ARHGAP11B: variants seen among roughly 807,000 people sequenced by gnomAD.
ARHGAP11B encodes the protein Rho GTPase activating protein 11B.
ARHGAP11B carries 14 observed loss-of-function variants against 27.6 expected under a neutral mutation model. That is an observed-to-expected ratio of 0.51 (90% CI 0.34 to 0.79). The LOEUF (loss-of-function observed/expected upper bound fraction) is 0.79. ARHGAP11B is among the 30% of genes least tolerant of loss of function. ARHGAP11B has a pLI of 0.02. For missense variants in ARHGAP11B, 245 were observed against 320.1 expected (o/e 0.77, Z 1.79); for synonymous variants, 82 against 114.1 (o/e 0.72, Z 1.80).
At chr15:30,627,325 G>A (rs1046029469) in intron 1 of ARHGAP11B, among the ~76,000 whole-genome samples, 2 of 151,942 alleles carry the variant, frequency 1.3e-5, no homozygotes, top group South Asian at 2.1e-4. Context: ...AAATGTCTCC[G>A]GATATTGCCA....
chr15:30,630,473 G>C lies in ARHGAP11B; in HGVS notation c.130-230G>C, dbSNP rs927032435. Among the ~76,000 whole-genome samples, 6 of 151,752 alleles carry C rather than the reference G, an allele frequency of 4.0e-5. No homozygotes were observed. The East Asian group carries it at 1.2e-3, about 29-fold the overall frequency. On this transcript the variant is annotated intron_variant, in intron 1 of 10. Coordinates refer to ENST00000428041, the Ensembl canonical transcript of ARHGAP11B. ...TTGAGTTTACTAGATTATTTGAGGG[G>C]AATGACATTATCTTGGCCATCTTTG...
chr15:30,643,801 G>T (rs1221466094), intron 7 of ARHGAP11B, among the ~76,000 whole-genome samples: 1 of 152,024 alleles, frequency 6.6e-6, no homozygotes, highest in Non-Finnish European at 1.5e-5. Context: ...TACTTAATTA[G>T]TAAAGGTTTT....
exon 1 of ARHGAP11B, chr15:30,626,547 T>C (rs2060208180): frequency 1.8e-5 from 9 of 504,716 alleles, no homozygotes. Flanking sequence ...GCTGAAAGCA[T>C]TGGGTGACCA....
At chr15:30,647,362 A>G (rs1156791678) in intron 9 of ARHGAP11B, among the ~76,000 whole-genome samples, 1 of 151,920 alleles carries the variant, frequency 6.6e-6, no homozygotes, top group East Asian at 1.9e-4. Context: ...AAAAAATTTA[A>G]GTTCATTTGC....
intron 6 of ARHGAP11B, among the ~76,000 whole-genome samples, chr15:30,637,790 A>G (rs1051809463): frequency 7.1e-6 from 1 of 140,782 alleles, no homozygotes; most frequent in African/African-American, 2.6e-5. Flanking sequence ...CCTTGAATCT[A>G]CCCTACATAT....
At chr15:30,638,047 G>A (rs371429224) in intron 6 of ARHGAP11B, among the ~76,000 whole-genome samples, 5 of 150,878 alleles carry the variant, frequency 3.3e-5, no homozygotes, top group South Asian at 4.2e-4. Context: ...CTCTAACTCC[G>A]GACATCAAGT....
At chr15:30,630,013 C>G (rs908184644) in intron 1 of ARHGAP11B, among the ~76,000 whole-genome samples, 2 of 151,816 alleles carry the variant, frequency 1.3e-5, no homozygotes, top group Non-Finnish European at 2.9e-5. Context: ...AGTTAACCAA[C>G]AAACAACTTT....
At chr15:30,640,922 T>G (rs549092289) in intron 7 of ARHGAP11B, among the ~76,000 whole-genome samples, 1 of 151,970 alleles carries the variant, frequency 6.6e-6, no homozygotes, top group Non-Finnish European at 1.5e-5. Context: ...TTTGAATATT[T>G]AAAAGCCTTT....
chr15:30,628,625 A>G (rs1054177434), intron 1 of ARHGAP11B, among the ~76,000 whole-genome samples: 3 of 152,112 alleles, frequency 2.0e-5, no homozygotes, highest in South Asian at 4.1e-4. Context: ...ATCTAATGAT[A>G]GTTGTCATAT....
intron 7 of ARHGAP11B, among the ~76,000 whole-genome samples, chr15:30,642,594 C>G (rs1193300724): frequency 1.3e-5 from 2 of 151,808 alleles, no homozygotes; most frequent in Non-Finnish European, 1.5e-5. Context: ...GTATTATGTA[C>G]TAGATACTGA....
At chr15:30,637,963 G>C (rs548933441) in intron 6 of ARHGAP11B, among the ~76,000 whole-genome samples, 1 of 151,518 alleles carries the variant, frequency 6.6e-6, no homozygotes, top group Non-Finnish European at 1.5e-5. Flanking sequence ...GGGATTACAG[G>C]TGCACGCTAC....
intron 6 of ARHGAP11B, among the ~76,000 whole-genome samples, chr15:30,638,467 C>A (rs961614515): frequency 6.6e-6 from 1 of 151,658 alleles, no homozygotes; most frequent in African/African-American, 2.4e-5. Flanking sequence ...GTAATGATTT[C>A]TTTTTCCCTA....
chr15:30,633,412 T>C, intron 2 of ARHGAP11B, 78 bp from the exon 3 acceptor site: 2 of 1,329,844 alleles, frequency 1.5e-6, no homozygotes, highest in South Asian at 1.3e-5. Flanking sequence ...TCTGTAGTGC[T>C]TGGCCTGCTC....
chr15:30,646,555 A>G (rs970093248), intron 9 of ARHGAP11B, among the ~76,000 whole-genome samples: 25 of 151,942 alleles, frequency 1.6e-4, no homozygotes, highest in African/African-American at 6.0e-4. Flanking sequence ...AAAAAAATAT[A>G]TAGGCTGAGG....
chr15:30,633,689 T>A, intron 3 of ARHGAP11B, 103 bp downstream of exon 3: 1 of 973,130 alleles, frequency 1.0e-6, no homozygotes, highest in Non-Finnish European at 1.4e-6. Context: ...TTGACAGAAA[T>A]TGAATTTGCA....
At chr15:30,645,564 C>G (rs1332525122) in intron 8 of ARHGAP11B, among the ~76,000 whole-genome samples, 2 of 151,894 alleles carry the variant, frequency 1.3e-5, no homozygotes, top group Non-Finnish European at 2.9e-5. Flanking sequence ...TTTACAATTT[C>G]TTTTGTCTAA....
At chr15:30,630,916 A>T in intron 2 of ARHGAP11B, 143 bp downstream of exon 2, 3 of 1,437,938 alleles carry the variant, frequency 2.1e-6, no homozygotes, top group Non-Finnish European at 2.8e-6. Context: ...CTTGTCGCAA[A>T]AGATAGAAAA....
At chr15:30,642,153 G>A (rs778990798) in intron 7 of ARHGAP11B, among the ~76,000 whole-genome samples, 3 of 151,630 alleles carry the variant, frequency 2.0e-5, no homozygotes, top group African/African-American at 7.3e-5. Flanking sequence ...ATTTTTTTCC[G>A]TTTTCATAAT....
exon 11 of ARHGAP11B, among the ~76,000 whole-genome samples, chr15:30,648,607 T>G (rs1219291963): frequency 6.6e-6 from 1 of 152,070 alleles, no homozygotes; most frequent in African/African-American, 2.4e-5. Flanking sequence ...ATGAGGTAAA[T>G]ATGTGATACC....
Sources: gnomAD v4.1 joint callset for allele counts (sites outside exome capture counted in the v4.1 genomes callset) on GRCh38, gnomAD v4.1.1 for gene constraint, MANE v1.5 for transcripts, NCBI Gene and HGNC (gene_info 2026-07-23, HGNC 2026-07-21) for gene names.